The following FBXO11 variants were observed in gnomAD, a reference collection of about 807,000 sequenced individuals.
The protein encoded by FBXO11 is F-box protein 11, also known as F-box only protein 11.
A neutral mutation model predicts 117.0 loss-of-function variants in FBXO11; 13 were observed. The observed-to-expected ratio is 0.11, with a 90% CI of 0.07 to 0.18. The LOEUF (loss-of-function observed/expected upper bound fraction) is 0.18, where lower values mean the gene tolerates loss of function less well. Among genes scored for constraint, FBXO11 ranks in the 10% least tolerant of loss-of-function variants. The probability of loss-of-function intolerance (pLI) is 1.00; values close to 1 mark genes in which losing one functional copy is unlikely to be tolerated. For synonymous variants in FBXO11, 490 were observed against 380.5 expected (o/e 1.29, Z -3.35); for missense variants, 767 against 1,164.4 (o/e 0.66, Z 4.97).
chr2:47,871,886 GA>G, intron 1 of FBXO11, among the ~76,000 whole-genome samples: 1 of 152,134 alleles, frequency 6.6e-6, no homozygotes. Context: ...CAATACTGGG[GA>G]TAATCTGTCA....
At position 47,808,131 on chromosome 2, in the gene FBXO11, A is replaced by C; in HGVS notation, c.2771T>G (p.Leu924Trp). 6.2e-7 allele frequency: 1 copy of C among 1,610,290 alleles called. No homozygotes were observed. The highest frequency in any genetic ancestry group is 8.5e-7 in the Non-Finnish European group (1 of 1,179,146). The change falls in exon 23 of 23, where the codon TTG becomes TGG. Residue 924 changes from leucine to tryptophan, a missense_variant. Leu to Trp is a moderately conservative substitution (Grantham distance 61). This residue lies in a region of FBXO11 where 47 missense variants were observed against 117.3 expected (regional missense o/e 0.40). Transcript: ENST00000403359. ...TAGGGAAGGAATTCAGTTGTGCTGC[A>C]ATGTATTAGATTCTATAGGTGGAGC... ...DSAPPIESNTLQHN is the reference protein window; with the variant it reads ...DSAPPIESNTWQHN
At chr2:47,841,166 C>T (rs531338101) in intron 1 of FBXO11, among the ~76,000 whole-genome samples, 2 of 152,244 alleles carry the variant, frequency 1.3e-5, no homozygotes, top group South Asian at 4.1e-4. Flanking sequence ...CCACTGCACT[C>T]CAGCCTGGGC....
chr2:47,872,916 A>G (rs1017221791), intron 1 of FBXO11, among the ~76,000 whole-genome samples: 2 of 152,176 alleles, frequency 1.3e-5, no homozygotes, highest in African/African-American at 4.8e-5. Context: ...GACATTTAAC[A>G]TTTTTATTTC....
intron 1 of FBXO11, among the ~76,000 whole-genome samples, chr2:47,844,253 C>T (rs1269306190): frequency 2.6e-5 from 4 of 152,188 alleles, no homozygotes; most frequent in Admixed American, 2.6e-4. Context: ...TCCCTTCAAT[C>T]ATTTCACTCA....
At chr2:47,820,234 C>T in intron 14 of FBXO11, 128 bp downstream of exon 14, 1 of 497,114 alleles carries the variant, frequency 2.0e-6, no homozygotes, top group East Asian at 3.0e-5. Flanking sequence ...TTTTGTCTAA[C>T]TATTAAAGAC....
At chr2:47,835,319 T>G (rs1358706495) in intron 5 of FBXO11, among the ~76,000 whole-genome samples, 1 of 152,198 alleles carries the variant, frequency 6.6e-6, no homozygotes, top group East Asian at 1.9e-4. Flanking sequence ...ATGTGGAACT[T>G]TAAAACAAAT....
chr2:47,812,278 T>G (rs573850905), intron 18 of FBXO11, among the ~76,000 whole-genome samples: 38 of 152,312 alleles, frequency 2.5e-4, no homozygotes, highest in African/African-American at 8.7e-4. Context: ...TGTATCATAG[T>G]AGTTGGTACA....
intron 1 of FBXO11, among the ~76,000 whole-genome samples, chr2:47,904,909 CT>C (rs1387577728): frequency 1.8e-4 from 27 of 152,132 alleles, no homozygotes; most frequent in Middle Eastern, 6.8e-3. Context: ...GCTGCTCCCC[CT>C]ACCCCGTGAC....
intron 4 of FBXO11, among the ~76,000 whole-genome samples, chr2:47,838,181 T>C (rs1326714206): frequency 1.3e-5 from 2 of 151,822 alleles, no homozygotes; most frequent in Admixed American, 6.6e-5. Flanking sequence ...TGCAGTGAGC[T>C]AGGAGCGTGA....
chr2:47,838,794 CA>C, intron 4 of FBXO11, 64 bp downstream of exon 4: 1 of 1,498,516 alleles, frequency 6.7e-7, no homozygotes, highest in South Asian at 1.2e-5. Flanking sequence ...ACTTTCCTAC[CA>C]TGTTTAGCAT....
At chr2:47,888,148 G>T (rs1677005152) in intron 1 of FBXO11, among the ~76,000 whole-genome samples, 2 of 152,220 alleles carry the variant, frequency 1.3e-5, no homozygotes, top group Non-Finnish European at 2.9e-5. Flanking sequence ...TCTTCTGAGA[G>T]AGTATTCCAT....
At chr2:47,833,352 C>A (rs1213644597) in intron 7 of FBXO11, among the ~76,000 whole-genome samples, 1 of 152,094 alleles carries the variant, frequency 6.6e-6, no homozygotes, top group Non-Finnish European at 1.5e-5. Context: ...CTTGTGGAAA[C>A]CATTCTGTTT....
chr2:47,855,817 A>G (rs1209463635), intron 1 of FBXO11, among the ~76,000 whole-genome samples: 1 of 150,948 alleles, frequency 6.6e-6, no homozygotes, highest in Non-Finnish European at 1.5e-5. Flanking sequence ...GGGCAACAAG[A>G]GCGAAACTCC....
intron 1 of FBXO11, chr2:47,888,714 T>C: frequency 1.0e-6 from 1 of 962,590 alleles, no homozygotes; most frequent in Non-Finnish European, 1.2e-6. Context: ...ATCTTATTGC[T>C]ATGATACAGT....
At chr2:47,897,916 G>C (rs1006359381) in intron 1 of FBXO11, among the ~76,000 whole-genome samples, 3 of 151,910 alleles carry the variant, frequency 2.0e-5, no homozygotes, top group Non-Finnish European at 4.4e-5. Context: ...AAATACAAAA[G>C]CTCTCTTCAC....
intron 1 of FBXO11, among the ~76,000 whole-genome samples, chr2:47,869,207 G>T (rs1030720362): frequency 7.2e-5 from 11 of 152,176 alleles, no homozygotes; most frequent in Admixed American, 2.6e-4. Flanking sequence ...ACTCACTAAC[G>T]AAATTTCTGC....
chr2:47,904,902 G>A (rs1678634847), intron 1 of FBXO11, among the ~76,000 whole-genome samples: 1 of 151,874 alleles, frequency 6.6e-6, no homozygotes, highest in African/African-American at 2.4e-5. Flanking sequence ...AGGAGTCGCT[G>A]CTCCCCCTAC....
intron 11 of FBXO11, among the ~76,000 whole-genome samples, chr2:47,827,665 A>T (rs1208159467): frequency 6.6e-6 from 1 of 151,652 alleles, no homozygotes; most frequent in Non-Finnish European, 1.5e-5. Flanking sequence ...CCTCTAGTAC[A>T]AAATAAATCA....
At chr2:47,830,816 G>C (rs1013089599) in intron 11 of FBXO11, among the ~76,000 whole-genome samples, 1 of 152,114 alleles carries the variant, frequency 6.6e-6, no homozygotes, top group Non-Finnish European at 1.5e-5. Context: ...AACTTGGCCA[G>C]GTGTGGTGGC....
Sources: gnomAD v4.1 joint callset for allele counts (sites outside exome capture counted in the v4.1 genomes callset) on GRCh38, gnomAD v4.1.1 for gene constraint, gnomAD v4.1.1 regional missense constraint, MANE v1.5 for transcripts, NCBI Gene and HGNC (gene_info 2026-07-23, HGNC 2026-07-21) for gene names.